The following ERBB4 variants were observed in gnomAD, a reference collection of about 807,000 sequenced individuals.
ERBB4 encodes erb-b2 receptor tyrosine kinase 4.
In ERBB4, 42 loss-of-function variants were observed where a neutral mutation model predicts 158.0. The observed-to-expected ratio is 0.27, with a 90% CI of 0.21 to 0.34. The LOEUF (loss-of-function observed/expected upper bound fraction) is 0.34. Among genes scored for constraint, ERBB4 ranks in the 10% least tolerant of loss-of-function variants. The pLI is 1.00. For missense variants in ERBB4, 1,333 were observed against 1,624.1 expected, an observed-to-expected ratio of 0.82 and a Z score of 3.08; for synonymous variants, 583 against 558.7, an observed-to-expected ratio of 1.04 and a Z score of -0.61.
At position 211,897,384 on chromosome 2, in the gene ERBB4, A is replaced by G. The variant is rs183783996; in HGVS notation, c.421+50046T>C. ...TAAGCAATAGTGTTTTACCTTTATAATGATGCATATGAAGGGCTCTTTTCA... is the reference window on the plus strand; with the variant it reads ...TAAGCAATAGTGTTTTACCTTTATAGTGATGCATATGAAGGGCTCTTTTCA... On this transcript the variant is annotated intron_variant, in intron 3 of 27. Coordinates refer to ENST00000342788, the MANE Select transcript of ERBB4 (RefSeq NM_005235.3). Among the ~76,000 whole-genome samples, 84 of 151,898 alleles carry G rather than the reference A, an allele frequency of 5.5e-4. 1 individual carries two copies. Among genetic ancestry groups the G allele is most frequent in the Middle Eastern group, 6.8e-3 (2 of 292 alleles).
At chr2:211,550,707 AATATAT>A (rs139062710) in intron 20 of ERBB4, among the ~76,000 whole-genome samples, 14,295 of 137,006 alleles carry the variant, frequency 0.1, 1,248 homozygotes, top group African/African-American at 0.24. Context: ...TATATATAGG[AATATAT>A]ATATATATAT....
chr2:212,010,891 G>C (rs2076370230), intron 2 of ERBB4, among the ~76,000 whole-genome samples: 1 of 152,082 alleles, frequency 6.6e-6, no homozygotes, highest in South Asian at 2.1e-4. Context: ...GCTAGGAAAA[G>C]ATTTTAGCGA....
intron 2 of ERBB4, among the ~76,000 whole-genome samples, chr2:212,077,192 T>C (rs1332192260): frequency 6.6e-6 from 1 of 152,004 alleles, no homozygotes; most frequent in East Asian, 1.9e-4. Context: ...TACATACGTA[T>C]TAATAACACA....
intron 12 of ERBB4, among the ~76,000 whole-genome samples, chr2:211,685,956 A>C (rs1270148483): frequency 6.6e-6 from 1 of 152,166 alleles, no homozygotes; most frequent in Admixed American, 6.5e-5. Flanking sequence ...AAACTTTGTA[A>C]GTTTTATCTT....
chr2:211,924,849 G>A (rs1370457000), intron 3 of ERBB4, among the ~76,000 whole-genome samples: 1 of 152,118 alleles, frequency 6.6e-6, no homozygotes, highest in Non-Finnish European at 1.5e-5. Flanking sequence ...AAAGGACCAA[G>A]GATTAAAGAC....
At chr2:211,762,685 C>T (rs757671426) in intron 4 of ERBB4, among the ~76,000 whole-genome samples, 5 of 152,136 alleles carry the variant, frequency 3.3e-5, no homozygotes, top group Non-Finnish European at 5.9e-5. Flanking sequence ...TGAGTGGTGT[C>T]ACATTTGAGA....
chr2:211,712,723 T>C (rs937831713), intron 8 of ERBB4, among the ~76,000 whole-genome samples: 1 of 151,980 alleles, frequency 6.6e-6, no homozygotes, highest in Non-Finnish European at 1.5e-5. Context: ...AAATTGAACA[T>C]GCTTTCTGAA....
intron 2 of ERBB4, among the ~76,000 whole-genome samples, chr2:212,068,266 TA>T (rs2125439892): frequency 6.6e-6 from 1 of 152,084 alleles, no homozygotes; most frequent in East Asian, 1.9e-4. Flanking sequence ...CTGTAACCTA[TA>T]AATGGCAACT....
intron 19 of ERBB4, among the ~76,000 whole-genome samples, chr2:211,576,893 C>A (rs929882109): frequency 3.3e-5 from 5 of 151,892 alleles, no homozygotes; most frequent in African/African-American, 1.2e-4. Flanking sequence ...ATGTTAAAAG[C>A]AAAAAGATAA....
intron 1 of ERBB4, among the ~76,000 whole-genome samples, chr2:212,134,879 G>T (rs994875841): frequency 4.6e-5 from 7 of 151,892 alleles, no homozygotes; most frequent in Non-Finnish European, 1.0e-4. Flanking sequence ...TAGGGATGGG[G>T]GTTTCACCGT....
At chr2:211,716,706 AAAAC>A (rs1319637082) in intron 7 of ERBB4, among the ~76,000 whole-genome samples, 6 of 89,218 alleles carry the variant, frequency 6.7e-5, no homozygotes, top group African/African-American at 3.9e-4. Context: ...ACAACAAAAC[AAAAC>A]AAAAAAAAAC....
At chr2:211,613,215 A>G (rs1574857918) in intron 19 of ERBB4, among the ~76,000 whole-genome samples, 1 of 152,058 alleles carries the variant, frequency 6.6e-6, no homozygotes, top group Non-Finnish European at 1.5e-5. Context: ...AATATTTCTG[A>G]TATTGCTTAC....
intron 25 of ERBB4, among the ~76,000 whole-genome samples, chr2:211,400,993 C>T (rs577664358): frequency 4.6e-5 from 7 of 152,102 alleles, no homozygotes; most frequent in Middle Eastern, 3.4e-3. Flanking sequence ...ATTGCTGTCA[C>T]TGACATAAGT....
At chr2:211,474,473 T>C (rs573684359) in intron 20 of ERBB4, among the ~76,000 whole-genome samples, 3 of 152,086 alleles carry the variant, frequency 2.0e-5, no homozygotes, top group Non-Finnish European at 4.4e-5. Context: ...ATGGATTTAA[T>C]AATTAACTTT....
At chr2:211,395,955 T>G (rs952673351) in intron 25 of ERBB4, among the ~76,000 whole-genome samples, 2 of 151,958 alleles carry the variant, frequency 1.3e-5, no homozygotes, top group Non-Finnish European at 2.9e-5. Context: ...AGATACTGTT[T>G]AGGGATTAAA....
chr2:211,549,733 G>A (rs1478188414), intron 20 of ERBB4, among the ~76,000 whole-genome samples: 1 of 152,126 alleles, frequency 6.6e-6, no homozygotes, highest in Non-Finnish European at 1.5e-5. Context: ...AAATAAAATA[G>A]AGAGGAAGAC....
intron 1 of ERBB4, among the ~76,000 whole-genome samples, chr2:212,427,860 G>A (rs1304078314): frequency 6.6e-6 from 1 of 152,068 alleles, no homozygotes; most frequent in African/African-American, 2.4e-5. Flanking sequence ...TAGTGAAATG[G>A]GAACAAAGGC....
intron 25 of ERBB4, among the ~76,000 whole-genome samples, chr2:211,406,975 G>T (rs115685061): frequency 0.015 from 2,356 of 152,124 alleles, 55 homozygotes; most frequent in African/African-American, 0.054. Context: ...AGCTACTCAG[G>T]AGGCTGAGGT....
At chr2:211,880,341 T>C (rs2106146651) in intron 3 of ERBB4, among the ~76,000 whole-genome samples, 1 of 152,302 alleles carries the variant, frequency 6.6e-6, no homozygotes, top group South Asian at 2.1e-4. Flanking sequence ...CGCATTATAG[T>C]AATGTGTGTA....
Sources: allele counts gnomAD v4.1 joint callset (sites outside exome capture counted in the v4.1 genomes callset), GRCh38; gene constraint gnomAD v4.1.1; transcripts MANE v1.5; gene names NCBI Gene and HGNC (gene_info 2026-07-23, HGNC 2026-07-21).